Variants in SGCZ observed in about 807,000 individuals in gnomAD.
SGCZ encodes the protein zeta-sarcoglycan.
In SGCZ, 40 loss-of-function variants were observed where a neutral mutation model predicts 41.3. The observed-to-expected ratio is 0.97, with a 90% CI of 0.75 to 1.26. SGCZ has a LOEUF of 1.26. Ranked by LOEUF, SGCZ falls within the 50% of genes most tolerant of loss-of-function variation. The pLI is 0.00. For missense variants in SGCZ, 552 were observed against 369.8 expected (o/e 1.49, Z -4.04); for synonymous variants, 206 against 137.5 (o/e 1.50, Z -3.49).
chr8:14,380,619 C>A (rs763128854), intron 2 of SGCZ, among the ~76,000 whole-genome samples: 1 of 152,014 alleles, frequency 6.6e-6, no homozygotes, highest in Non-Finnish European at 1.5e-5. Flanking sequence ...TTTGGGAGGC[C>A]AAGGCAGGCA....
intron 1 of SGCZ, among the ~76,000 whole-genome samples, chr8:14,954,609 C>G (rs1217639243): frequency 6.6e-6 from 1 of 152,028 alleles, no homozygotes; most frequent in African/African-American, 2.4e-5. Context: ...AGCAAGGGAC[C>G]CAAAGAAGAG....
intron 1 of SGCZ, among the ~76,000 whole-genome samples, chr8:14,667,973 T>C (rs563386206): frequency 3.3e-5 from 5 of 152,180 alleles, no homozygotes; most frequent in Admixed American, 6.5e-5. Context: ...ATTTATTTAT[T>C]TGAGATGGAG....
intron 1 of SGCZ, among the ~76,000 whole-genome samples, chr8:14,937,051 A>G (rs1800105111): frequency 6.6e-6 from 1 of 151,886 alleles, no homozygotes; most frequent in African/African-American, 2.4e-5. Context: ...AAGAGCAGAG[A>G]TTAATAAGAT....
chr8:15,198,562 A>C (rs1322552263), intron 1 of SGCZ, among the ~76,000 whole-genome samples: 4 of 152,218 alleles, frequency 2.6e-5, no homozygotes, highest in Admixed American at 6.5e-5. Flanking sequence ...TAGAATAAAA[A>C]AGAAATTCAA....
At chr8:14,860,927 A>AC (rs1803725733) in intron 1 of SGCZ, among the ~76,000 whole-genome samples, 1 of 152,092 alleles carries the variant, frequency 6.6e-6, no homozygotes, top group Non-Finnish European at 1.5e-5. Flanking sequence ...TCCAAGGTAA[A>AC]GTCTGATGAG....
intron 2 of SGCZ, among the ~76,000 whole-genome samples, chr8:14,502,102 C>T (rs1802172817): frequency 1.3e-5 from 2 of 151,918 alleles, no homozygotes; most frequent in South Asian, 4.1e-4. Context: ...AATTCTTTGC[C>T]TTCAACACAA....
intron 1 of SGCZ, among the ~76,000 whole-genome samples, chr8:14,939,804 A>G (rs1003642127): frequency 6.6e-6 from 1 of 152,034 alleles, no homozygotes; most frequent in Non-Finnish European, 1.5e-5. Flanking sequence ...ACTCACACAC[A>G]CCACTCTCCT....
intron 5 of SGCZ, among the ~76,000 whole-genome samples, chr8:14,125,336 T>A (rs1802818583): frequency 6.6e-6 from 1 of 151,888 alleles, no homozygotes; most frequent in African/African-American, 2.4e-5. Flanking sequence ...ACCCCGTCTT[T>A]ACTAAAAATA....
At chr8:14,452,563 G>C (rs889997302) in intron 2 of SGCZ, among the ~76,000 whole-genome samples, 21 of 151,956 alleles carry the variant, frequency 1.4e-4, no homozygotes, top group African/African-American at 5.1e-4. Flanking sequence ...TTTTTAAGTA[G>C]TTTTATCTTT....
At chr8:14,606,384 T>A (rs1165894352) in intron 1 of SGCZ, among the ~76,000 whole-genome samples, 1 of 152,188 alleles carries the variant, frequency 6.6e-6, no homozygotes, top group Non-Finnish European at 1.5e-5. Context: ...TTGTAATTAG[T>A]TCCTCAACAA....
intron 1 of SGCZ, among the ~76,000 whole-genome samples, chr8:14,658,616 C>T (rs1024352686): frequency 1.3e-5 from 2 of 152,184 alleles, no homozygotes; most frequent in Non-Finnish European, 2.9e-5. Flanking sequence ...TTGAGTCCTG[C>T]TCTCTGTCCT....
chr8:14,953,226 G>A (rs1029769024), intron 1 of SGCZ, among the ~76,000 whole-genome samples: 1 of 152,104 alleles, frequency 6.6e-6, no homozygotes, highest in Non-Finnish European at 1.5e-5. Context: ...GAAATTTACA[G>A]TCATGGTGCA....
intron 1 of SGCZ, among the ~76,000 whole-genome samples, chr8:14,815,715 AC>A (rs2130551514): frequency 6.6e-6 from 1 of 152,292 alleles, no homozygotes; most frequent in African/African-American, 2.4e-5. Flanking sequence ...GTCTAACCAG[AC>A]CCAGGAAACA....
intron 1 of SGCZ, among the ~76,000 whole-genome samples, chr8:14,933,597 A>G (rs987338109): frequency 2.0e-5 from 3 of 151,578 alleles, no homozygotes; most frequent in East Asian, 1.9e-4. Context: ...ACACTCGGCT[A>G]ATTTTTCTTT....
chr8:15,156,977 A>C (rs1293430652), intron 1 of SGCZ, among the ~76,000 whole-genome samples: 8 of 151,922 alleles, frequency 5.3e-5, no homozygotes, highest in African/African-American at 1.9e-4. Context: ...AAAAGAAAGA[A>C]AGAGAAAAGA....
chr8:14,645,675 A>G (rs1256973687), intron 1 of SGCZ, among the ~76,000 whole-genome samples: 1 of 150,846 alleles, frequency 6.6e-6, no homozygotes, highest in Non-Finnish European at 1.5e-5. Context: ...GCACCTTTTC[A>G]TATTTCCTAA....
intron 1 of SGCZ, among the ~76,000 whole-genome samples, chr8:14,829,800 C>G (rs1430709785): frequency 6.6e-6 from 1 of 151,754 alleles, no homozygotes; most frequent in Middle Eastern, 3.2e-3. Flanking sequence ...AGTTCCCTAA[C>G]ATGTTTTGTT....
chr8:14,545,223 A>G (rs2117162171), intron 2 of SGCZ, among the ~76,000 whole-genome samples: 1 of 152,288 alleles, frequency 6.6e-6, no homozygotes, highest in South Asian at 2.1e-4. Context: ...AAATGGTAGA[A>G]ATACTTATTA....
intron 1 of SGCZ, among the ~76,000 whole-genome samples, chr8:14,882,137 C>T (rs1342951874): frequency 1.3e-5 from 2 of 152,148 alleles, no homozygotes; most frequent in Non-Finnish European, 2.9e-5. Flanking sequence ...GATCCCAAAT[C>T]AGTTTCTATC....
Sources: allele counts gnomAD v4.1 joint callset (sites outside exome capture counted in the v4.1 genomes callset), GRCh38; gene constraint gnomAD v4.1.1; transcripts MANE v1.5; gene names NCBI Gene and HGNC (gene_info 2026-07-23, HGNC 2026-07-21).